Variants in TBC1D12 observed in about 807,000 individuals in gnomAD.
The protein encoded by TBC1D12 is TBC1 domain family, member 12.
TBC1D12 carries 56 observed loss-of-function variants against 86.7 expected under a neutral mutation model. The ratio of observed to expected loss-of-function variants is 0.65; its 90% CI spans 0.52 to 0.81. The LOEUF (loss-of-function observed/expected upper bound fraction) is 0.81, where lower values mean the gene tolerates loss of function less well. Among genes scored for constraint, TBC1D12 ranks in the 30% least tolerant of loss-of-function variants. TBC1D12 has a pLI of 0.00. For missense variants in TBC1D12, 1,023 were observed against 1,038.8 expected (o/e 0.98, Z 0.21); for synonymous variants, 421 against 411.7 (o/e 1.02, Z -0.27).
chr10:94,516,859 T>C (rs1842006018), intron 9 of TBC1D12, among the ~76,000 whole-genome samples: 1 of 152,080 alleles, frequency 6.6e-6, no homozygotes, highest in Admixed American at 6.5e-5. Flanking sequence ...AAAGCCTTTA[T>C]TGAGACTAGT....
At chr10:94,473,309 G>T (rs1381527083) in intron 2 of TBC1D12, among the ~76,000 whole-genome samples, 1 of 149,568 alleles carries the variant, frequency 6.7e-6, no homozygotes, top group Admixed American at 6.7e-5. Context: ...GCAGTGAGCC[G>T]AGACCATGCC....
In TBC1D12 at chr10:94,403,624, G is replaced by T. The variant is rs369659736; in HGVS notation, c.971+40G>T. 1.0e-4 allele frequency: 145 copies of T among 1,412,508 alleles called. No individual in the cohort carries two copies. In the Middle Eastern group the frequency reaches 1.6e-3, roughly 15 times the overall value. The allele number at this position is 1,412,508 out of a possible 1,614,324, so 87.5% of individuals were successfully genotyped here. A position where few individuals can be genotyped will look rare whatever the true frequency, so the allele number is the denominator to read the frequency against. ...GCATGGGACTCGGGGCGGGTCCGGG[G>T]CCGGGGCCGGAGCCGGGGTCTTGGT... On this transcript the variant is annotated intron_variant, in intron 1 of 12. Transcript: ENST00000225235.
At chr10:94,529,790 T>C (rs1203396380) in intron 11 of TBC1D12, among the ~76,000 whole-genome samples, 1 of 152,080 alleles carries the variant, frequency 6.6e-6, no homozygotes, top group Non-Finnish European at 1.5e-5. Context: ...TTGTCAGTCT[T>C]GAGAAGTGTG....
chr10:94,510,446 T>G (rs546019528), intron 8 of TBC1D12, among the ~76,000 whole-genome samples: 1 of 152,338 alleles, frequency 6.6e-6, no homozygotes, highest in East Asian at 1.9e-4. Flanking sequence ...GTGAATTTAT[T>G]TTGCTTTTTA....
At chr10:94,411,322 G>A (rs2054924429) in intron 1 of TBC1D12, among the ~76,000 whole-genome samples, 1 of 152,182 alleles carries the variant, frequency 6.6e-6, no homozygotes, top group African/African-American at 2.4e-5. Context: ...TCAATTAACT[G>A]GAATTTAAGC....
chr10:94,441,261 G>A (rs1236845413), intron 1 of TBC1D12, among the ~76,000 whole-genome samples: 2 of 151,430 alleles, frequency 1.3e-5, no homozygotes, highest in African/African-American at 4.9e-5. Flanking sequence ...AGGAAAGACA[G>A]GTTATGTATA....
At chr10:94,529,484 G>A (rs1379563292) in intron 11 of TBC1D12, among the ~76,000 whole-genome samples, 1 of 152,126 alleles carries the variant, frequency 6.6e-6, no homozygotes, top group Non-Finnish European at 1.5e-5. Flanking sequence ...CGGGCGTGGT[G>A]GTCCATACCT....
intron 6 of TBC1D12, 80 bp downstream of exon 6, chr10:94,500,407 A>T: frequency 8.8e-7 from 1 of 1,132,124 alleles, no homozygotes; most frequent in Non-Finnish European, 1.2e-6. Flanking sequence ...TAGAGTGACC[A>T]TTAAAATAAA....
chr10:94,447,225 AAT>A (rs2055480027), intron 2 of TBC1D12, among the ~76,000 whole-genome samples: 1 of 151,932 alleles, frequency 6.6e-6, no homozygotes, highest in African/African-American at 2.4e-5. Context: ...AAAAACACGT[AAT>A]TATTTTTACA....
intron 5 of TBC1D12, among the ~76,000 whole-genome samples, chr10:94,499,949 T>A (rs1292410111): frequency 6.6e-6 from 1 of 152,220 alleles, no homozygotes; most frequent in African/African-American, 2.4e-5. Flanking sequence ...GTTTTTTAAA[T>A]AATTGACTGC....
At chr10:94,460,086 G>A (rs531229782) in intron 2 of TBC1D12, among the ~76,000 whole-genome samples, 23 of 152,182 alleles carry the variant, frequency 1.5e-4, no homozygotes, top group African/African-American at 5.5e-4. Flanking sequence ...ACAAAAATTA[G>A]CTGGGCATGG....
At chr10:94,436,997 T>C (rs891817652) in intron 1 of TBC1D12, among the ~76,000 whole-genome samples, 2 of 151,932 alleles carry the variant, frequency 1.3e-5, no homozygotes, top group African/African-American at 4.8e-5. Context: ...TGAGCCATCA[T>C]GCCCGGCCTC....
chr10:94,466,737 A>G (rs1357285378), intron 2 of TBC1D12, among the ~76,000 whole-genome samples: 3 of 152,182 alleles, frequency 2.0e-5, no homozygotes, highest in Admixed American at 6.5e-5. Flanking sequence ...TACCCTGTAC[A>G]TTTGTCAAAA....
intron 3 of TBC1D12, among the ~76,000 whole-genome samples, chr10:94,484,914 A>G (rs577224801): frequency 6.6e-6 from 1 of 152,180 alleles, no homozygotes; most frequent in East Asian, 1.9e-4. Context: ...CAGTGTTGGC[A>G]TGTAGAAATG....
Position 94,510,109 on chromosome 10 carries a change from G to T in TBC1D12, c.1619G>T (p.Arg540Leu). The change falls in exon 8 of 13, where the codon CGA becomes CTA. Residue 540 changes from arginine to leucine, a missense_variant. Transcript: ENST00000225235. ...AATGCAGGTGTATCTGTTGCTGATC[G>T]AGAGGCCAGTCTGGAATTAATTAAG... ...NDTEGVSVAD[R>L]EASLELIKLD... 3 of 1,608,460 alleles carry T rather than the reference G, an allele frequency of 1.9e-6. No individual in the cohort carries two copies. Among genetic ancestry groups the T allele is most frequent in the Non-Finnish European group, 1.7e-6 (2 of 1,178,570 alleles).
intron 1 of TBC1D12, among the ~76,000 whole-genome samples, chr10:94,419,503 T>A (rs1169155669): frequency 2.6e-5 from 4 of 151,998 alleles, no homozygotes; most frequent in African/African-American, 9.7e-5. Context: ...TGAAACCCCG[T>A]CTCTACTAAA....
intron 3 of TBC1D12, among the ~76,000 whole-genome samples, chr10:94,480,343 G>T: frequency 6.6e-6 from 1 of 152,120 alleles, no homozygotes; most frequent in Non-Finnish European, 1.5e-5. Flanking sequence ...GAGTGATTGA[G>T]GGGCCATTAG....
chr10:94,452,072 G>T lies in TBC1D12; in HGVS notation c.1095+10053G>T, dbSNP rs202230623. Among the ~76,000 whole-genome samples the T allele has an allele frequency of 2.4e-4, 36 of 150,008 alleles. No individual in the cohort carries two copies. The East Asian group carries it at 6.4e-3, about 27-fold the overall frequency. ...TATATTTAAATATATGTATTTAAATGCATATATATTTAAATATATGTATTT... is the reference window on the plus strand; with the variant it reads ...TATATTTAAATATATGTATTTAAATTCATATATATTTAAATATATGTATTT... On this transcript the variant is annotated intron_variant, in intron 2 of 12. Transcript: ENST00000225235.
At chr10:94,471,034 G>A (rs1376259142) in intron 2 of TBC1D12, among the ~76,000 whole-genome samples, 2 of 152,236 alleles carry the variant, frequency 1.3e-5, no homozygotes, top group East Asian at 3.9e-4. Flanking sequence ...CCAGCACTTT[G>A]GGAGGCTGAG....
Sources: gnomAD v4.1 joint callset for allele counts (sites outside exome capture counted in the v4.1 genomes callset) on GRCh38, gnomAD v4.1.1 for gene constraint, MANE v1.5 for transcripts, NCBI Gene and HGNC (gene_info 2026-07-23, HGNC 2026-07-21) for gene names.